Variants in LIMS1 observed in about 807,000 individuals in gnomAD.
LIMS1 encodes LIM zinc finger domain containing 1.
Under a neutral mutation model 44.1 loss-of-function variants are expected in LIMS1, and 18 were observed. The ratio of observed to expected loss-of-function variants is 0.41; its 90% confidence interval spans 0.28 to 0.61. The LOEUF is 0.61. Ranked by LOEUF, LIMS1 falls within the 20% of genes least tolerant of loss-of-function variation. The pLI, the probability that LIMS1 is intolerant of heterozygous loss-of-function variation, is 0.32. For missense variants in LIMS1, 201 were observed against 422.0 expected (o/e 0.48, Z 4.59); for synonymous variants, 93 against 149.1 (o/e 0.62, Z 2.74).
At chr2:108,563,800 T>C (rs891622011) in intron 1 of LIMS1, among the ~76,000 whole-genome samples, 8 of 152,186 alleles carry the variant, frequency 5.3e-5, no homozygotes, top group Admixed American at 5.2e-4. Context: ...AGCTCATGCC[T>C]GTAAATCCAG....
At chr2:108,559,825 G>A (rs1418572106) in intron 1 of LIMS1, among the ~76,000 whole-genome samples, 1 of 152,140 alleles carries the variant, frequency 6.6e-6, no homozygotes, top group Non-Finnish European at 1.5e-5. Flanking sequence ...ATTATAAACT[G>A]GTTTGACACT....
intron 1 of LIMS1, among the ~76,000 whole-genome samples, chr2:108,574,342 T>C (rs1186079112): frequency 2.0e-5 from 3 of 152,194 alleles, no homozygotes; most frequent in Non-Finnish European, 4.4e-5. Flanking sequence ...GTGTAGGTTA[T>C]TCCCTGCTTA....
intron 1 of LIMS1, among the ~76,000 whole-genome samples, chr2:108,545,150 A>G (rs1173237962): frequency 1.3e-5 from 2 of 151,852 alleles, no homozygotes; most frequent in Non-Finnish European, 2.9e-5. Flanking sequence ...TTCTCTTGTG[A>G]TTTTGTTGTT....
Position 108,650,262 on chromosome 2 carries a change from A to G in LIMS1, c.33-9343A>G, listed in dbSNP as rs145399748. ...AATGCCTGAATATAAAAGTTGAGCT[A>G]TGGTGTTTATTCGGAATTAAACCAC... On this transcript the variant is annotated intron_variant, in intron 1 of 9. Coordinates refer to ENST00000544547, the Ensembl canonical transcript of LIMS1. Among the ~76,000 whole-genome samples the G allele has an allele frequency of 8.5e-5, 13 of 152,352 alleles. No homozygotes were observed. The East Asian group carries it at 2.5e-3, about 29-fold the overall frequency.
chr2:108,611,981 A>G (rs1171303191), intron 1 of LIMS1, among the ~76,000 whole-genome samples: 2 of 144,986 alleles, frequency 1.4e-5, no homozygotes, highest in African/African-American at 5.2e-5. Flanking sequence ...TATATAAAAT[A>G]TATATACATA....
intron 1 of LIMS1, among the ~76,000 whole-genome samples, chr2:108,638,328 C>T (rs933417549): frequency 2.0e-5 from 3 of 152,226 alleles, no homozygotes; most frequent in East Asian, 1.9e-4. Flanking sequence ...TGGGTAGGGA[C>T]GCAGCTCACC....
intron 1 of LIMS1, among the ~76,000 whole-genome samples, chr2:108,619,411 C>T (rs901518537): frequency 4.6e-5 from 7 of 150,728 alleles, no homozygotes; most frequent in South Asian, 2.1e-4. Flanking sequence ...AGGCTGGGCA[C>T]GGTGGCACAC....
intron 1 of LIMS1, among the ~76,000 whole-genome samples, chr2:108,610,503 A>G (rs1207569021): frequency 2.6e-5 from 4 of 152,154 alleles, no homozygotes; most frequent in Admixed American, 2.0e-4. Context: ...TTTCATCCCA[A>G]AATACCTCAG....
At chr2:108,683,951 G>A (rs1693177651) in exon 10 of LIMS1, 1 of 1,603,972 alleles carries the variant, frequency 6.2e-7, no homozygotes, top group South Asian at 1.1e-5. Context: ...TTCCATTGGA[G>A]CTGAAGAAAA....
intron 1 of LIMS1, among the ~76,000 whole-genome samples, chr2:108,576,235 G>A (rs1442092355): frequency 6.6e-6 from 1 of 152,130 alleles, no homozygotes; most frequent in Non-Finnish European, 1.5e-5. Context: ...GTCATACTGG[G>A]TCAGTACCAG....
chr2:108,661,459 G>A (rs1305496634), intron 2 of LIMS1, among the ~76,000 whole-genome samples: 2 of 151,960 alleles, frequency 1.3e-5, no homozygotes, highest in African/African-American at 2.4e-5. Context: ...CAAGGATGAT[G>A]GATTTAGGGA....
At chr2:108,672,382 G>T in exon 4 of LIMS1, 1 of 1,244,856 alleles carries the variant, frequency 8.0e-7, no homozygotes, top group Non-Finnish European at 1.1e-6. Context: ...CATCCGGAGT[G>T]CTTCCGCTGT....
chr2:108,587,146 T>A (rs1184217279), intron 1 of LIMS1, among the ~76,000 whole-genome samples: 1 of 152,124 alleles, frequency 6.6e-6, no homozygotes, highest in Non-Finnish European at 1.5e-5. Context: ...GCTTTTCCAC[T>A]CTTTCAAGCA....
At chr2:108,622,046 C>G (rs1039802112) in intron 1 of LIMS1, among the ~76,000 whole-genome samples, 1 of 152,104 alleles carries the variant, frequency 6.6e-6, no homozygotes. Context: ...TTTTTTGTTG[C>G]AACTACTGAA....
At chr2:108,563,851 G>T (rs952149073) in intron 1 of LIMS1, among the ~76,000 whole-genome samples, 27 of 152,006 alleles carry the variant, frequency 1.8e-4, no homozygotes, top group Admixed American at 1.6e-3. Context: ...TTGAGCACAG[G>T]AATTTGAGAT....
At chr2:108,640,504 A>G (rs1294175189) in intron 1 of LIMS1, among the ~76,000 whole-genome samples, 1 of 152,128 alleles carries the variant, frequency 6.6e-6, no homozygotes, top group East Asian at 1.9e-4. Flanking sequence ...CCCCATGGAC[A>G]CTGAGGTTGA....
intron 1 of LIMS1, among the ~76,000 whole-genome samples, chr2:108,564,670 C>T (rs1013651229): frequency 2.0e-5 from 3 of 152,130 alleles, no homozygotes; most frequent in African/African-American, 4.8e-5. Context: ...TATATAAACC[C>T]GTTAGCTCAG....
chr2:108,543,702 C>A (rs1304339446), intron 1 of LIMS1, among the ~76,000 whole-genome samples: 1 of 152,170 alleles, frequency 6.6e-6, no homozygotes, highest in Non-Finnish European at 1.5e-5. Context: ...AAGTTAATCA[C>A]TTACGTCTTC....
intron 1 of LIMS1, among the ~76,000 whole-genome samples, chr2:108,540,799 G>A (rs1036886669): frequency 6.6e-6 from 1 of 152,182 alleles, no homozygotes. Context: ...TAACAGCAGG[G>A]TTAGGAATAC....
Sources: allele counts gnomAD v4.1 joint callset (sites outside exome capture counted in the v4.1 genomes callset), GRCh38; gene constraint gnomAD v4.1.1; transcripts MANE v1.5; gene names NCBI Gene and HGNC (gene_info 2026-07-23, HGNC 2026-07-21).